The following NCOA2 variants were observed in gnomAD, a reference collection of about 807,000 sequenced individuals.
The protein encoded by NCOA2 is class E basic helix-loop-helix protein 75.
Under a neutral mutation model 145.1 loss-of-function variants are expected in NCOA2, and 21 were observed. That is an observed-to-expected ratio of 0.14 (90% CI 0.10 to 0.21). The LOEUF (loss-of-function observed/expected upper bound fraction) is 0.21, where lower values mean the gene tolerates loss of function less well. Among genes scored for constraint, NCOA2 ranks in the 10% least tolerant of loss-of-function variants. The probability of loss-of-function intolerance (pLI) is 1.00; values close to 1 mark genes in which losing one functional copy is unlikely to be tolerated. For synonymous variants in NCOA2, 619 were observed against 637.5 expected, an observed-to-expected ratio of 0.97 and a Z score of 0.44; for missense variants, 1,472 against 1,837.6, an observed-to-expected ratio of 0.80 and a Z score of 3.64.
At chr8:70,409,299 A>G in the NCOA2 span, among the ~76,000 whole-genome samples, 1 of 152,226 alleles carries the variant, frequency 6.6e-6, no homozygotes, top group African/African-American at 2.4e-5. Context: ...GCCAGCTTCA[A>G]TATTTACTAT....
chr8:70,351,625 T>A (rs1409117487), intron 1 of NCOA2, among the ~76,000 whole-genome samples: 1 of 150,708 alleles, frequency 6.6e-6, no homozygotes, highest in African/African-American at 2.4e-5. Flanking sequence ...TCTTGCTCTG[T>A]CACCCAGGCT....
chr8:70,255,128 C>T (rs1377941163), intron 2 of NCOA2, among the ~76,000 whole-genome samples: 1 of 152,174 alleles, frequency 6.6e-6, no homozygotes, highest in Non-Finnish European at 1.5e-5. Flanking sequence ...CAAGTGGCAA[C>T]AGACACATGA....
intron 4 of NCOA2, among the ~76,000 whole-genome samples, chr8:70,206,687 GCTTA>G (rs1818477573): frequency 6.6e-6 from 1 of 151,938 alleles, no homozygotes. Context: ...ACTGTACTGG[GCTTA>G]CTACTCTCCT....
chr8:70,425,479 C>T, the NCOA2 span, among the ~76,000 whole-genome samples: 3 of 152,104 alleles, frequency 2.0e-5, no homozygotes, highest in Non-Finnish European at 4.4e-5. Context: ...CTGAACTCCT[C>T]ACATCCTGTT....
chr8:70,393,184 G>C (rs1171914913), intron 1 of NCOA2, among the ~76,000 whole-genome samples: 2 of 152,118 alleles, frequency 1.3e-5, no homozygotes, highest in African/African-American at 4.8e-5. Flanking sequence ...CTTGGGTGCA[G>C]ATCCAAGATC....
At chr8:70,321,360 A>G (rs531235804) in intron 1 of NCOA2, among the ~76,000 whole-genome samples, 2 of 151,522 alleles carry the variant, frequency 1.3e-5, no homozygotes, top group South Asian at 2.1e-4. Context: ...GGGTTTCACC[A>G]TGTTGCCCAG....
chr8:70,253,748 C>T (rs1823399873), intron 2 of NCOA2, among the ~76,000 whole-genome samples: 1 of 152,030 alleles, frequency 6.6e-6, no homozygotes, highest in Non-Finnish European at 1.5e-5. Context: ...CAAAAATTAA[C>T]TCAAAATGAT....
chr8:70,291,866 G>A lies in NCOA2; in HGVS notation c.-20+4878C>T, dbSNP rs562118516. Among the ~76,000 whole-genome samples the A allele has an allele frequency of 2.6e-5, 4 of 152,142 alleles. No homozygotes were observed. The East Asian group carries it at 5.9e-4, about 22-fold the overall frequency. ...TGTAATCCCAGCACTTTGGGAGGCCGAGGCGGGCGGATCACAAGGTCAGTA... is the reference window on the plus strand; with the variant it reads ...TGTAATCCCAGCACTTTGGGAGGCCAAGGCGGGCGGATCACAAGGTCAGTA... On this transcript the variant is annotated intron_variant, in intron 2 of 22. Coordinates refer to ENST00000452400, the MANE Select transcript of NCOA2 (RefSeq NM_006540.4).
chr8:70,200,333 C>T (rs917944671), intron 4 of NCOA2, among the ~76,000 whole-genome samples: 6 of 152,064 alleles, frequency 3.9e-5, no homozygotes, highest in African/African-American at 1.2e-4. Context: ...TATTATGGGT[C>T]CTGGTTTATC....
At chr8:70,385,454 A>T (rs1484850409) in intron 1 of NCOA2, among the ~76,000 whole-genome samples, 1 of 152,152 alleles carries the variant, frequency 6.6e-6, no homozygotes, top group Admixed American at 6.5e-5. Flanking sequence ...TTTGAAACAG[A>T]GTCTCCCTCT....
intron 4 of NCOA2, among the ~76,000 whole-genome samples, chr8:70,189,613 T>C (rs919255908): frequency 3.3e-5 from 5 of 152,216 alleles, no homozygotes; most frequent in African/African-American, 7.2e-5. Flanking sequence ...CTAATTTTCA[T>C]TTGTAATTTT....
At chr8:70,418,388 C>G in the NCOA2 span, among the ~76,000 whole-genome samples, 1 of 152,164 alleles carries the variant, frequency 6.6e-6, no homozygotes, top group Non-Finnish European at 1.5e-5. Flanking sequence ...GTTTCTTGAT[C>G]AGAAGCAATG....
chr8:70,399,163 T>C (rs1463575131), intron 1 of NCOA2, among the ~76,000 whole-genome samples: 1 of 152,222 alleles, frequency 6.6e-6, no homozygotes, highest in Non-Finnish European at 1.5e-5. Context: ...AAATTGTATT[T>C]CATAGCTTTT....
chr8:70,245,216 A>T (rs982567922), intron 2 of NCOA2: 1 of 152,182 alleles, frequency 6.6e-6, no homozygotes, highest in East Asian at 1.9e-4. Flanking sequence ...CATGCTGAGC[A>T]CCCCGCCGCT....
chr8:70,278,917 CGTT>C (rs1700016215), intron 2 of NCOA2, among the ~76,000 whole-genome samples: 1 of 151,366 alleles, frequency 6.6e-6, no homozygotes, highest in East Asian at 1.9e-4. Context: ...AGTGAACCGA[CGTT>C]GTGCCACTGC....
At chr8:70,158,292 A>T (rs2957094) in intron 10 of NCOA2, among the ~76,000 whole-genome samples, 115,613 of 152,124 alleles carry the variant, frequency 0.76, 45,010 homozygotes, top group Non-Finnish European at 0.84. Context: ...GGACCTCATA[A>T]AGTTTTCCAC....
intron 1 of NCOA2, among the ~76,000 whole-genome samples, chr8:70,389,284 T>A (rs986876690): frequency 4.2e-5 from 6 of 141,296 alleles, no homozygotes; most frequent in Admixed American, 3.5e-4. Flanking sequence ...ACAGGCCAAA[T>A]TTTTTTTTTT....
intron 9 of NCOA2, 43 bp downstream of exon 9, chr8:70,162,668 A>G: frequency 6.4e-7 from 1 of 1,570,642 alleles, no homozygotes; most frequent in Non-Finnish European, 8.7e-7. Flanking sequence ...GAAAGCTCCC[A>G]CAGGAAGCAA....
intron 1 of NCOA2, among the ~76,000 whole-genome samples, chr8:70,397,819 T>C (rs564098907): frequency 7.2e-5 from 11 of 152,350 alleles, no homozygotes; most frequent in Non-Finnish European, 1.5e-4. Context: ...TATTTTTTAT[T>C]ATAAACATTT....
Sources: allele counts gnomAD v4.1 joint callset (sites outside exome capture counted in the v4.1 genomes callset), GRCh38; gene constraint gnomAD v4.1.1; transcripts MANE v1.5; gene names NCBI Gene and HGNC (gene_info 2026-07-23, HGNC 2026-07-21).